The following ITGA1 variants were observed in gnomAD, a reference collection of about 807,000 sequenced individuals.
ITGA1 encodes integrin alpha-1.
A neutral mutation model predicts 145.9 loss-of-function variants in ITGA1; 85 were observed. The observed-to-expected ratio is 0.58, with a 90% CI of 0.49 to 0.70. ITGA1 has a LOEUF of 0.70. ITGA1 is among the 30% of genes least tolerant of loss of function. The pLI is 0.00. For synonymous variants in ITGA1, 520 were observed against 495.3 expected (o/e 1.05, Z -0.66); for missense variants, 1,351 against 1,418.7 (o/e 0.95, Z 0.77).
intron 1 of ITGA1, among the ~76,000 whole-genome samples, chr5:52,806,294 C>T (rs1186220432): frequency 1.3e-5 from 2 of 150,804 alleles, no homozygotes; most frequent in African/African-American, 4.9e-5. Flanking sequence ...ATCAATTATG[C>T]CTTTTTAGGA....
chr5:52,913,847 G>C (rs1442758671), intron 14 of ITGA1, among the ~76,000 whole-genome samples: 5 of 152,078 alleles, frequency 3.3e-5, no homozygotes, highest in Admixed American at 2.0e-4. Context: ...AGAATAAAGG[G>C]CTTATTTCAA....
chr5:52,839,657 A>G lies in ITGA1; in HGVS notation c.62-9708A>G, dbSNP rs1749222081. On this transcript the variant is annotated intron_variant, in intron 1 of 28. Coordinates refer to ENST00000282588, the MANE Select transcript of ITGA1 (RefSeq NM_181501.2). ...TAACATATAATTTCTTCTCAGTAAG[A>G]TATGTGAGCTGGCAACACATTGCCA... is the stretch of plus-strand genomic sequence containing the variant. 2.0e-5 allele frequency among the ~76,000 whole-genome samples: 3 copies of G among 152,182 alleles called. No individual in the cohort carries two copies. In the South Asian group the frequency reaches 6.2e-4, roughly 31 times the overall value.
In ITGA1 at chr5:52,788,062, T is replaced by G. The variant is rs1748156873; in HGVS notation, c.-292T>G. On this transcript the variant is annotated 5_prime_UTR_variant, in exon 1 of 29. It removes an upstream start codon present in the reference 5' UTR. Coordinates refer to ENST00000282588, the MANE Select transcript of ITGA1 (RefSeq NM_181501.2). The stretch of plus-strand genomic sequence containing the variant: ...CCGCGAAGCTGGCTTTATTTGTCCA[T>G]GTCTCGGACAGAGCCTGGGAAGCTG... 2.7e-6 allele frequency: 1 copy of G among 373,216 alleles called. No homozygotes were observed. Among genetic ancestry groups the G allele is most frequent in the Admixed American group, 4.7e-5 (1 of 21,180 alleles). The allele number at this position is 373,216 out of a possible 1,614,324, so 23.1% of individuals were successfully genotyped here.
At chr5:52,842,248 A>G in intron 1 of ITGA1, among the ~76,000 whole-genome samples, 1 of 152,152 alleles carries the variant, frequency 6.6e-6, no homozygotes, top group Admixed American at 6.5e-5. Flanking sequence ...ACTGAATGGA[A>G]TGGTGTCATC....
intron 21 of ITGA1, 110 bp downstream of exon 21, chr5:52,929,811 A>G: frequency 1.7e-6 from 1 of 573,506 alleles, no homozygotes; most frequent in Non-Finnish European, 3.1e-6. Context: ...AGGTTGTAGG[A>G]GATCAGTAGA....
Position 52,895,888 on chromosome 5 carries a change from AG to A in ITGA1, c.1091-1565del, listed in dbSNP as rs757231615. The stretch of plus-strand genomic sequence containing the variant: ...TATTTTTTTCATGAGATATTTAAAA[AG>A]GCTTTATTTCTTTGTTGCTCGGGAA... On this transcript the variant is annotated intron_variant, in intron 9 of 28. Transcript: ENST00000282588. Among the ~76,000 whole-genome samples the A allele has an allele frequency of 9.2e-5, 14 of 152,230 alleles. No homozygotes were observed. The East Asian group carries it at 1.3e-3, about 15-fold the overall frequency.
intron 2 of ITGA1, among the ~76,000 whole-genome samples, chr5:52,857,629 T>G (rs935841850): frequency 2.0e-5 from 3 of 152,230 alleles, no homozygotes; most frequent in Non-Finnish European, 4.4e-5. Flanking sequence ...TGTTTTCTGA[T>G]TCTTGCTCCC....
chr5:52,939,750 C>A, intron 25 of ITGA1, 59 bp downstream of exon 25: 1 of 1,458,514 alleles, frequency 6.9e-7, no homozygotes, highest in Non-Finnish European at 9.6e-7. Flanking sequence ...AAATTGATAT[C>A]AATCTAGAAA....
Position 52,910,352 on chromosome 5 carries a change from A to T in ITGA1, c.1790A>T (p.Asp597Val), listed in dbSNP as rs1561245343. ...NDIVIGAPLE[D>V]DHGGAVYIYH... ...ATCGTGATAGGAGCTCCGCTGGAAG[A>T]TGATCACGGGGGAGCTGTGTACATT... Residue 597 changes from aspartate (D) to valine (V), a missense_variant, in exon 14 of 29, where the codon GAT (aspartate) becomes GTT (valine). Physicochemically the swap from Asp to Val is radical, Grantham distance 152 (BLOSUM62 -3). Transcript: ENST00000282588. 1 of 1,613,778 alleles carries T rather than the reference A, an allele frequency of 6.2e-7. No homozygotes were observed. Among genetic ancestry groups the T allele is most frequent in the Non-Finnish European group, 8.5e-7 (1 of 1,179,846 alleles).
intron 7 of ITGA1, among the ~76,000 whole-genome samples, chr5:52,884,307 C>A (rs771691121): frequency 2.0e-5 from 3 of 151,826 alleles, no homozygotes; most frequent in Non-Finnish European, 4.4e-5. Flanking sequence ...ATTAGCCGGG[C>A]GTGGTGGTGG....
At chr5:52,909,754 T>C (rs908175561) in intron 13 of ITGA1, among the ~76,000 whole-genome samples, 4 of 151,666 alleles carry the variant, frequency 2.6e-5, no homozygotes, top group African/African-American at 7.3e-5. Context: ...CCTTTGCTAG[T>C]ACTTTCTGTC....
chr5:52,900,691 G>A (rs571867389), intron 11 of ITGA1, among the ~76,000 whole-genome samples: 194 of 152,266 alleles, frequency 1.3e-3, no homozygotes, highest in Non-Finnish European at 1.7e-3. Context: ...ATAGAGACTT[G>A]AGCTTGTTTT....
In ITGA1 at chr5:52,956,207, C is replaced by G. The variant is rs188046070; in HGVS notation, c.*3756C>G. 1 of 152,022 alleles carries G rather than the reference C, an allele frequency of 6.6e-6. No individual in the cohort carries two copies. Among genetic ancestry groups the G allele is most frequent in the Non-Finnish European group, 1.5e-5 (1 of 68,048 alleles). 9.4% of individuals were successfully genotyped at this position (152,022 alleles called of 1,614,324 possible). Reference sequence around the variant, plus strand: ...TGGCTCCATGGAGTGTGCCTTCACGCGGGGGAATGTCCTTGTCCAACACGC... The same window carrying G: ...TGGCTCCATGGAGTGTGCCTTCACGGGGGGGAATGTCCTTGTCCAACACGC... On this transcript the variant is annotated 3_prime_UTR_variant, in exon 29 of 29. Transcript: ENST00000282588.
chr5:52,935,570 A>G lies in ITGA1; in HGVS notation c.2964+1574A>G, dbSNP rs142713235. ...TTCCAACCTTCTTACCTCATAGATAAAACAAAGATAATATGAGGATCTGCT... is the reference window on the plus strand; with the variant it reads ...TTCCAACCTTCTTACCTCATAGATAGAACAAAGATAATATGAGGATCTGCT... On this transcript the variant is annotated intron_variant, in intron 23 of 28. Coordinates refer to ENST00000282588, the MANE Select transcript of ITGA1 (RefSeq NM_181501.2). 3.9e-3 allele frequency among the ~76,000 whole-genome samples: 591 copies of G among 152,262 alleles called. 8 individuals are homozygous for G. Among genetic ancestry groups the G allele is most frequent in the African/African-American group, 0.014 (562 of 41,554 alleles).
At chr5:52,876,744 G>A (rs947813647) in intron 6 of ITGA1, among the ~76,000 whole-genome samples, 4 of 152,148 alleles carry the variant, frequency 2.6e-5, no homozygotes, top group Admixed American at 2.0e-4. Flanking sequence ...TCCCTCTAAA[G>A]TTAGGATGTA....
At chr5:52,805,232 G>C (rs1460855724) in intron 1 of ITGA1, among the ~76,000 whole-genome samples, 1 of 152,174 alleles carries the variant, frequency 6.6e-6, no homozygotes, top group African/African-American at 2.4e-5. Context: ...CGTGCTACAA[G>C]AAGGAGTTTG....
intron 28 of ITGA1, 24 bp downstream of exon 28, chr5:52,947,485 T>C: frequency 5.2e-6 from 7 of 1,352,888 alleles, no homozygotes; most frequent in Non-Finnish European, 7.4e-6. Context: ...TTCCTTTGAC[T>C]CTCTACTTCA....
At position 52,818,625 on chromosome 5, in the gene ITGA1, A is replaced by T. The variant is rs28469441; in HGVS notation, c.61+30211A>T. Among the ~76,000 whole-genome samples the T allele has an allele frequency of 6.7e-3, 1,021 of 152,330 alleles. 12 individuals carry two copies. Among genetic ancestry groups the T allele is most frequent in the African/African-American group, 0.023 (971 of 41,578 alleles). ...TGGGTGATTCTTTTTCTCCAGGAAGAGATTATAAATAATGAAATGATTAGA... is the reference window on the plus strand; with the variant it reads ...TGGGTGATTCTTTTTCTCCAGGAAGTGATTATAAATAATGAAATGATTAGA... On this transcript the variant is annotated intron_variant, in intron 1 of 28. Transcript: ENST00000282588.
intron 19 of ITGA1, among the ~76,000 whole-genome samples, chr5:52,926,896 AGGTAT>A (rs1464255343): frequency 1.3e-5 from 2 of 152,198 alleles, no homozygotes; most frequent in African/African-American, 4.8e-5. Flanking sequence ...TTTTGTAAGT[AGGTAT>A]GACTGTACTG....
Sources: gnomAD v4.1 joint callset for allele counts (sites outside exome capture counted in the v4.1 genomes callset) on GRCh38, gnomAD v4.1.1 for gene constraint, MANE v1.5 for transcripts, NCBI Gene and HGNC (gene_info 2026-07-23, HGNC 2026-07-21) for gene names.